LRBA: variants seen among roughly 807,000 people sequenced by gnomAD.
LRBA encodes the protein lipopolysaccharide-responsive and beige-like anchor protein.
A neutral mutation model predicts 330.0 loss-of-function variants in LRBA; 176 were observed. That is an observed-to-expected ratio of 0.53 (90% CI 0.47 to 0.60). LRBA has a LOEUF of 0.60. Ranked by LOEUF, LRBA falls within the 20% of genes least tolerant of loss-of-function variation. The probability of loss-of-function intolerance (pLI) is 0.00; values close to 1 mark genes in which losing one functional copy is unlikely to be tolerated. For missense variants in LRBA, 3,259 were observed against 3,444.8 expected (o/e 0.95, Z 1.35); for synonymous variants, 1,230 against 1,193.0 (o/e 1.03, Z -0.64).
chr4:150,269,258 G>A (rs1345264832), intron 56 of LRBA, among the ~76,000 whole-genome samples: 1 of 152,158 alleles, frequency 6.6e-6, no homozygotes, highest in Non-Finnish European at 1.5e-5. Context: ...CTTACTTACT[G>A]TTGTTACAAT....
chr4:150,645,762 G>A (rs1266097342), intron 37 of LRBA, among the ~76,000 whole-genome samples: 9 of 151,850 alleles, frequency 5.9e-5, no homozygotes, highest in Admixed American at 2.0e-4. Flanking sequence ...ATTTATCTGT[G>A]TGAAAACATA....
chr4:150,799,559 C>T (rs1215068916), intron 33 of LRBA, among the ~76,000 whole-genome samples: 2 of 152,146 alleles, frequency 1.3e-5, no homozygotes, highest in African/African-American at 4.8e-5. Context: ...GTCATTAATC[C>T]TTATTGCTTT....
At chr4:150,807,584 T>A (rs1742984347) in intron 32 of LRBA, among the ~76,000 whole-genome samples, 1 of 152,060 alleles carries the variant, frequency 6.6e-6, no homozygotes, top group Non-Finnish European at 1.5e-5. Context: ...TACAATTCAG[T>A]ATTATTGTGG....
chr4:150,493,157 A>AT (rs892842763), intron 40 of LRBA, among the ~76,000 whole-genome samples: 3 of 151,716 alleles, frequency 2.0e-5, no homozygotes, highest in African/African-American at 7.3e-5. Context: ...ACTTTTAACA[A>AT]TTTTTTTGTA....
intron 35 of LRBA, among the ~76,000 whole-genome samples, chr4:150,752,386 G>A (rs1733677937): frequency 6.6e-6 from 1 of 152,070 alleles, no homozygotes; most frequent in African/African-American, 2.4e-5. Context: ...TAACAACTTT[G>A]AATAAGGGAT....
At chr4:150,507,405 G>A (rs1013840266) in intron 40 of LRBA, among the ~76,000 whole-genome samples, 7 of 152,038 alleles carry the variant, frequency 4.6e-5, no homozygotes, top group African/African-American at 1.4e-4. Flanking sequence ...ACAGAACAGA[G>A]CCCTCAGAAA....
chr4:150,282,269 T>A (rs975593264), intron 55 of LRBA, among the ~76,000 whole-genome samples, 181 bp downstream of exon 55: 2 of 152,234 alleles, frequency 1.3e-5, no homozygotes, highest in African/African-American at 2.4e-5. Flanking sequence ...CAGCTGGCAC[T>A]GCTGTGGTGT....
chr4:150,509,789 A>C (rs1761621299), intron 40 of LRBA, among the ~76,000 whole-genome samples: 2 of 152,188 alleles, frequency 1.3e-5, no homozygotes, highest in South Asian at 4.1e-4. Context: ...GGATAAGGGG[A>C]TATCATAAAC....
chr4:151,002,568 A>G (rs964584925), intron 2 of LRBA, among the ~76,000 whole-genome samples: 2 of 149,250 alleles, frequency 1.3e-5, no homozygotes, highest in African/African-American at 4.9e-5. Flanking sequence ...TCCATCTCTC[A>G]GAAAAAAAAA....
chr4:150,609,895 G>A lies in LRBA; in HGVS notation c.5922-10764C>T, dbSNP rs139171625. On this transcript the variant is annotated intron_variant, in intron 37 of 56. Coordinates refer to ENST00000651943, the MANE Select transcript of LRBA (RefSeq NM_001364905.1). ...GGAGCAGGGTTTGATAAAGACAGAA[G>A]AGGTATGATCCCATAAAAAGATAAC... is the stretch of plus-strand genomic sequence containing the variant. Among the ~76,000 whole-genome samples, 323 of 152,270 alleles carry A rather than the reference G, an allele frequency of 2.1e-3. 3 individuals are homozygous for A. Among genetic ancestry groups the A allele is most frequent in the African/African-American group, 7.5e-3 (313 of 41,562 alleles).
At chr4:150,835,239 G>A (rs1003462698) in intron 28 of LRBA, among the ~76,000 whole-genome samples, 1 of 152,164 alleles carries the variant, frequency 6.6e-6, no homozygotes, top group Admixed American at 6.5e-5. Context: ...CAGGTAGTGT[G>A]ATGCCTCCAG....
chr4:150,545,247 T>A (rs1238791805), intron 40 of LRBA, among the ~76,000 whole-genome samples: 1 of 152,298 alleles, frequency 6.6e-6, no homozygotes, highest in East Asian at 1.9e-4. Flanking sequence ...AACTTTGGCA[T>A]ATATATGAGC....
At chr4:150,496,564 A>T (rs1469479804) in intron 40 of LRBA, among the ~76,000 whole-genome samples, 2 of 152,174 alleles carry the variant, frequency 1.3e-5, no homozygotes, top group South Asian at 2.1e-4. Context: ...AAAAAGTGAT[A>T]AAATGTTTTA....
chr4:150,436,984 T>C lies in LRBA; in HGVS notation c.6781-120A>G, dbSNP rs1751202119. ...AGTGAATTTTAAAAATATATACTAC[T>C]TAAGCTGCAACACAGTATCATATTG... On this transcript the variant is annotated intron_variant, in intron 44 of 56. Coordinates refer to ENST00000651943, the MANE Select transcript of LRBA (RefSeq NM_001364905.1). 3 of 867,746 alleles carry C rather than the reference T, an allele frequency of 3.5e-6. No individual in the cohort carries two copies. The Admixed American group carries it at 7.8e-5, about 23-fold the overall frequency. 53.8% of individuals were successfully genotyped at this position (867,746 alleles called of 1,614,324 possible). A position where few individuals can be genotyped will look rare whatever the true frequency, so the allele number is the denominator to read the frequency against.
At chr4:150,466,104 C>T (rs1561216605) in intron 44 of LRBA, among the ~76,000 whole-genome samples, 2 of 152,004 alleles carry the variant, frequency 1.3e-5, no homozygotes, top group Admixed American at 6.6e-5. Flanking sequence ...AGACAGAAGA[C>T]GTGGTAATAA....
chr4:150,568,113 C>G (rs1383998646), intron 40 of LRBA, among the ~76,000 whole-genome samples: 1 of 152,006 alleles, frequency 6.6e-6, no homozygotes, highest in Non-Finnish European at 1.5e-5. Flanking sequence ...CAAGACCAGT[C>G]TAGTCAACAT....
chr4:150,744,885 A>C (rs1221886874), intron 35 of LRBA, among the ~76,000 whole-genome samples: 4 of 152,212 alleles, frequency 2.6e-5, no homozygotes, highest in Admixed American at 2.6e-4. Flanking sequence ...GGTACTTTAC[A>C]TGCCAACGGT....
intron 2 of LRBA, among the ~76,000 whole-genome samples, chr4:150,931,378 TAA>T (rs1423679372): frequency 2.7e-5 from 4 of 150,940 alleles, no homozygotes; most frequent in Admixed American, 6.6e-5. Context: ...ATTGTTATTA[TAA>T]GTTTTATAAT....
chr4:150,578,665 A>G (rs1207836993), intron 40 of LRBA, among the ~76,000 whole-genome samples: 2 of 152,230 alleles, frequency 1.3e-5, no homozygotes, highest in Non-Finnish European at 2.9e-5. Flanking sequence ...AAAGTTTTAA[A>G]CATCCTCATA....
Sources: gnomAD v4.1 joint callset for allele counts (sites outside exome capture counted in the v4.1 genomes callset) on GRCh38, gnomAD v4.1.1 for gene constraint, MANE v1.5 for transcripts, NCBI Gene and HGNC (gene_info 2026-07-23, HGNC 2026-07-21) for gene names.